The following TACC1 variants were observed in gnomAD, a reference collection of about 807,000 sequenced individuals.
The protein encoded by TACC1 is transforming acidic coiled-coil containing protein 1.
Under a neutral mutation model 84.4 loss-of-function variants are expected in TACC1, and 48 were observed. The ratio of observed to expected loss-of-function variants is 0.57; its 90% CI spans 0.45 to 0.72. The LOEUF (loss-of-function observed/expected upper bound fraction) is 0.72, where lower values mean the gene tolerates loss of function less well. Ranked by LOEUF, TACC1 falls within the 30% of genes least tolerant of loss-of-function variation. The pLI is 0.00. For synonymous variants in TACC1, 372 were observed against 376.3 expected, an observed-to-expected ratio of 0.99 and a Z score of 0.13; for missense variants, 920 against 973.0, an observed-to-expected ratio of 0.95 and a Z score of 0.72.
intron 3 of TACC1, among the ~76,000 whole-genome samples, chr8:38,777,126 C>G (rs879703724): frequency 3.3e-5 from 5 of 151,830 alleles, no homozygotes; most frequent in African/African-American, 4.8e-5. Context: ...TGTGGTGGCA[C>G]GAGCCTGTAA....
At position 38,851,971 on chromosome 8, in the gene TACC1, A is replaced by G. The variant is rs1040043080; in HGVS notation, c.*3948A>G. On this transcript the variant is annotated 3_prime_UTR_variant, in exon 13 of 13. Coordinates refer to ENST00000317827, the MANE Select transcript of TACC1 (RefSeq NM_006283.3). ...AGATTCCAGTTATTTTTAAAAAGCA[A>G]CTTACCACTAAATCCTTGAGTCTCC... is the stretch of plus-strand genomic sequence containing the variant. 2.2e-6 allele frequency: 1 copy of G among 456,434 alleles called. No homozygotes were observed. The highest frequency in any genetic ancestry group is 1.5e-5 in the South Asian group (1 of 64,558). 28.3% of individuals were successfully genotyped at this position (456,434 alleles called of 1,614,324 possible). A position where few individuals can be genotyped will look rare whatever the true frequency, so the allele number is the denominator to read the frequency against.
chr8:38,735,152 C>G (rs531298097), intron 1 of TACC1, among the ~76,000 whole-genome samples: 10 of 152,312 alleles, frequency 6.6e-5, no homozygotes, highest in Non-Finnish European at 1.3e-4. Context: ...ATGAGATCTG[C>G]TTTTAGAATC....
At chr8:38,777,013 T>C (rs1814932578) in intron 3 of TACC1, among the ~76,000 whole-genome samples, 1 of 152,072 alleles carries the variant, frequency 6.6e-6, no homozygotes. Context: ...TCCAGCACTT[T>C]GGGAGGCTGA....
upstream of TACC1, among the ~76,000 whole-genome samples, chr8:38,782,918 A>G (rs1455826120): frequency 6.6e-6 from 1 of 152,090 alleles, no homozygotes; most frequent in Non-Finnish European, 1.5e-5. Flanking sequence ...TTTGCACTCA[A>G]CAACTGCTTC....
At chr8:38,832,945 T>G (rs1829553388) in intron 6 of TACC1, among the ~76,000 whole-genome samples, 1 of 152,228 alleles carries the variant, frequency 6.6e-6, no homozygotes. Context: ...TTCTGTTGTC[T>G]ATAGACTGGT....
chr8:38,843,749 T>TC (rs1831696160), intron 11 of TACC1, among the ~76,000 whole-genome samples: 2 of 152,248 alleles, frequency 1.3e-5, no homozygotes, highest in South Asian at 4.1e-4. Context: ...AAGAAGAGCT[T>TC]CCTCTTTTTT....
chr8:38,816,316 T>A (rs1186517510), intron 2 of TACC1, among the ~76,000 whole-genome samples: 1 of 152,222 alleles, frequency 6.6e-6, no homozygotes, highest in East Asian at 1.9e-4. Flanking sequence ...AAATCTCAGA[T>A]AATTTAGTGC....
At chr8:38,784,592 G>C (rs1816755547), upstream of TACC1, among the ~76,000 whole-genome samples, 1 of 151,810 alleles carries the variant, frequency 6.6e-6, no homozygotes, top group Non-Finnish European at 1.5e-5. Flanking sequence ...GTAAATTGCT[G>C]CATAGGTGAG....
chr8:38,843,750 C>T (rs1000125587), intron 11 of TACC1, among the ~76,000 whole-genome samples: 9 of 152,084 alleles, frequency 5.9e-5, no homozygotes, highest in African/African-American at 2.2e-4. Flanking sequence ...AGAAGAGCTT[C>T]CTCTTTTTTT....
chr8:38,811,404 C>G (rs1278307956), intron 2 of TACC1, among the ~76,000 whole-genome samples: 1 of 152,184 alleles, frequency 6.6e-6, no homozygotes, highest in Non-Finnish European at 1.5e-5. Context: ...TCAGTCTCAC[C>G]TCATTTCCTC....
At chr8:38,796,890 A>G (rs762224242) in intron 2 of TACC1, among the ~76,000 whole-genome samples, 5 of 152,260 alleles carry the variant, frequency 3.3e-5, no homozygotes, top group Non-Finnish European at 7.3e-5. Flanking sequence ...ACTGAAAACA[A>G]CGAACATCTC....
At chr8:38,754,949 A>T (rs7004137) in intron 3 of TACC1, among the ~76,000 whole-genome samples, 59,371 of 152,052 alleles carry the variant, frequency 0.39, 11,819 homozygotes, top group Middle Eastern at 0.45. Context: ...GATCACAAGG[A>T]CAGGAGTTCA....
chr8:38,767,950 C>T (rs1279643079), intron 3 of TACC1, among the ~76,000 whole-genome samples: 1 of 151,894 alleles, frequency 6.6e-6, no homozygotes, highest in African/African-American at 2.4e-5. Context: ...CGCCTGTGGT[C>T]CCAGCTACTT....
rs1277166693 is a variant in TACC1, at chr8:38,850,555, G to A, written c.*2532G>A. On this transcript the variant is annotated 3_prime_UTR_variant, in exon 13 of 13. Transcript: ENST00000317827. ...TCCTGTAATCCCAACACTGTGGAAG[G>A]CCGAGGCAGGAGGATCACTTGAGTC... 6.6e-6 allele frequency: 1 copy of A among 152,108 alleles called. No homozygotes were observed. The highest frequency in any genetic ancestry group is 2.4e-5 in the African/African-American group (1 of 41,392). 9.4% of individuals were successfully genotyped at this position (152,108 alleles called of 1,614,324 possible).
At position 38,848,163 on chromosome 8, in the gene TACC1, G is replaced by A; in HGVS notation, c.*140G>A. 1 of 729,028 alleles carries A rather than the reference G, an allele frequency of 1.4e-6. No homozygotes were observed. The highest frequency in any genetic ancestry group is 2.2e-6 in the Non-Finnish European group (1 of 452,920). The allele number at this position is 729,028 out of a possible 1,614,324, so 45.2% of individuals were successfully genotyped here. ...AAAAAGCACATGCCTACTGCTGCCTGTCCCGCTTTGCTGCCAATGCAACAG... is the reference window on the plus strand; with the variant it reads ...AAAAAGCACATGCCTACTGCTGCCTATCCCGCTTTGCTGCCAATGCAACAG... On this transcript the variant is annotated 3_prime_UTR_variant, in exon 13 of 13. Transcript: ENST00000317827.
chr8:38,734,453 C>G (rs1325255093), intron 1 of TACC1, among the ~76,000 whole-genome samples: 3 of 152,144 alleles, frequency 2.0e-5, no homozygotes, highest in Admixed American at 2.0e-4. Context: ...TCGTTGGCCT[C>G]CCAAAGTGCT....
intron 5 of TACC1, among the ~76,000 whole-genome samples, chr8:38,828,809 G>A (rs1828668365): frequency 6.6e-6 from 1 of 152,202 alleles, no homozygotes. Context: ...CTCATCATTA[G>A]TAAATGGTAG....
chr8:38,843,225 TG>T (rs1831582633), intron 10 of TACC1, 63 bp from the exon 11 acceptor site: 3 of 1,109,420 alleles, frequency 2.7e-6, no homozygotes, highest in Non-Finnish European at 3.8e-6. Context: ...ATGAAAACTC[TG>T]ATATGTGGTA....
In TACC1 at chr8:38,770,082, T is replaced by C. The variant is rs138902084; in HGVS notation, c.27-18622T>C. 5.1e-3 allele frequency among the ~76,000 whole-genome samples: 770 copies of C among 151,918 alleles called. 11 individuals carry two copies. The highest frequency in any genetic ancestry group is 0.017 in the African/African-American group (712 of 41,336). On this transcript the variant is annotated intron_variant, in intron 3 of 14. Transcript: ENST00000518415. ...ATGAGACCCTGTGTGGTGTGGCGTG[T>C]GTATGTGAACATGCGTGCTCCCTGC...
Sources: allele counts gnomAD v4.1 joint callset (sites outside exome capture counted in the v4.1 genomes callset), GRCh38; gene constraint gnomAD v4.1.1; transcripts MANE v1.5; gene names NCBI Gene and HGNC (gene_info 2026-07-23, HGNC 2026-07-21).